PER3: variants seen among roughly 807,000 people sequenced by gnomAD.
PER3 encodes period circadian regulator 3, also known as period circadian protein homolog 3.
A neutral mutation model predicts 127.2 loss-of-function variants in PER3; 107 were observed. The observed-to-expected ratio is 0.84, with a 90% CI of 0.72 to 0.99. The LOEUF (loss-of-function observed/expected upper bound fraction) is 0.99, where lower values mean the gene tolerates loss of function less well. Among genes scored for constraint, PER3 ranks in the 50% least tolerant of loss-of-function variants. PER3 has a pLI of 0.00. For missense variants in PER3, 1,560 were observed against 1,525.8 expected, an observed-to-expected ratio of 1.02 and a Z score of -0.37; for synonymous variants, 618 against 585.8, an observed-to-expected ratio of 1.05 and a Z score of -0.79.
intron 16 of PER3, among the ~76,000 whole-genome samples, chr1:7,823,549 G>A (rs1384436142): frequency 1.3e-5 from 2 of 152,016 alleles, no homozygotes; most frequent in African/African-American, 4.8e-5. Context: ...GGCTGAGGCA[G>A]GAGAATCGCT....
chr1:7,836,044 C>G, intron 20 of PER3, 99 bp downstream of exon 20: 1 of 779,664 alleles, frequency 1.3e-6, no homozygotes, highest in Non-Finnish European at 2.1e-6. Context: ...GTCACCCAGG[C>G]TGGAGTGCAG....
At position 7,788,454 on chromosome 1, in the gene PER3, T is replaced by C. The variant is rs559115712; in HGVS notation, c.592+208T>C. 5.3e-6 allele frequency: 3 copies of C among 566,778 alleles called. No homozygotes were observed. The East Asian group carries it at 8.6e-5, about 16-fold the overall frequency. 35.1% of individuals were successfully genotyped at this position (566,778 alleles called of 1,614,324 possible). A position where few individuals can be genotyped will look rare whatever the true frequency, so the allele number is the denominator to read the frequency against. ...ACGTTTGTTTCCATTTTGTCACATC[T>C]GTTTCACAGATGATATGTCATAAAT... On this transcript the variant is annotated intron_variant, in intron 5 of 21. Transcript: ENST00000377532.
intron 10 of PER3, among the ~76,000 whole-genome samples, chr1:7,806,368 T>C (rs1281346436): frequency 6.6e-6 from 1 of 152,154 alleles, no homozygotes; most frequent in Non-Finnish European, 1.5e-5. Context: ...AGCCAAGTTT[T>C]CTCTCTTACT....
chr1:7,820,444 G>T, intron 15 of PER3, 23 bp from the exon 16 acceptor site: 1 of 1,585,826 alleles, frequency 6.3e-7, no homozygotes, highest in Admixed American at 1.8e-5. Flanking sequence ...TCTTTTCACT[G>T]TCAGTTTCTC....
rs1227391005 is a variant in PER3 at position 7,789,915 on chromosome 1, TC to T, written c.592+1671del. Among the ~76,000 whole-genome samples, 6 of 152,352 alleles carry T rather than the reference TC, an allele frequency of 3.9e-5. No individual in the cohort carries two copies. The East Asian group carries it at 1.2e-3, about 29-fold the overall frequency. ...TACTGATTTTATTTCTCATCCCCTT[TC>T]CTAAATACACATTTTCAACCTTTGT... On this transcript the variant is annotated intron_variant, in intron 5 of 21. Coordinates refer to ENST00000377532, the MANE Select transcript of PER3 (RefSeq NM_001377275.1).
At chr1:7,820,422 G>T in intron 15 of PER3, 45 bp from the exon 16 acceptor site, 1 of 1,553,694 alleles carries the variant, frequency 6.4e-7, no homozygotes, top group Non-Finnish European at 8.7e-7. Context: ...TAAATTTCTC[G>T]TTGGGAATTT....
At chr1:7,814,042 C>CA (rs1445513349) in intron 13 of PER3, among the ~76,000 whole-genome samples, 2 of 152,120 alleles carry the variant, frequency 1.3e-5, no homozygotes, top group Non-Finnish European at 2.9e-5. Context: ...ACATCAATGC[C>CA]AGAGATGAGG....
Position 7,827,698 on chromosome 1 carries a change from G to C in PER3, c.2769G>C (p.Pro923=). ...EKWEAQSEGH[P]FITSRSSSPL... ...GGGAGGCACAAAGCGAGGGGCACCCGTTCATTACTTCGAGAAGCAGCTCAC... is the reference window on the plus strand; with the variant it reads ...GGGAGGCACAAAGCGAGGGGCACCCCTTCATTACTTCGAGAAGCAGCTCAC... Residue 923 remains proline, a synonymous_variant, in exon 18 of 22, where the codon CCG becomes CCC. Transcript: ENST00000377532. 2 of 1,614,094 alleles carry C rather than the reference G, an allele frequency of 1.2e-6. No individual in the cohort carries two copies. The highest frequency in any genetic ancestry group is 1.7e-6 in the Non-Finnish European group (2 of 1,179,996).
At chr1:7,819,707 G>C (rs991237228) in intron 14 of PER3, among the ~76,000 whole-genome samples, 2 of 152,020 alleles carry the variant, frequency 1.3e-5, no homozygotes, top group African/African-American at 4.8e-5. Flanking sequence ...TGGCCCACAG[G>C]CTGCATGTGG....
At chr1:7,800,827 C>CAAA (rs35065134) in intron 7 of PER3, among the ~76,000 whole-genome samples, 7 of 100,710 alleles carry the variant, frequency 7.0e-5, no homozygotes, top group Admixed American at 2.9e-4. Flanking sequence ...ACTCTGTCTC[C>CAAA]AAAAAAAAAA....
chr1:7,827,069 C>G, intron 17 of PER3, 49 bp from the exon 18 acceptor site: 1 of 1,423,452 alleles, frequency 7.0e-7, no homozygotes, highest in Non-Finnish European at 9.4e-7. Flanking sequence ...TCCTTCTCTT[C>G]TTTTTGGGTT....
intron 10 of PER3, among the ~76,000 whole-genome samples, chr1:7,804,935 C>T (rs904817281): frequency 7.3e-5 from 11 of 150,524 alleles, no homozygotes; most frequent in African/African-American, 2.7e-4. Flanking sequence ...GTGGCCTGAT[C>T]GCGGCTCACT....
Position 7,826,839 on chromosome 1 carries a change from C to G in PER3, c.2188+129C>G. The G allele has an allele frequency of 1.5e-6, 1 of 655,802 alleles. No homozygotes were observed. Among genetic ancestry groups the G allele is most frequent in the South Asian group, 1.9e-5 (1 of 52,152 alleles). 40.6% of individuals were successfully genotyped at this position (655,802 alleles called of 1,614,324 possible). On this transcript the variant is annotated intron_variant, in intron 17 of 21. Coordinates refer to ENST00000377532, the MANE Select transcript of PER3 (RefSeq NM_001377275.1). This position sits in a 1 kb window ranked among gnomAD's most constrained non-coding sequence, Gnocchi z 4.2. ...AGAAACTGATGGAGAGATGCTGAAA[C>G]AATCTATTTACATCAACAGTTTATG... is the stretch of plus-strand genomic sequence containing the variant.
intron 4 of PER3, chr1:7,787,123 A>C: frequency 2.8e-6 from 1 of 356,790 alleles, no homozygotes. Context: ...AGAAAACAAA[A>C]ATTACACTGC....
chr1:7,830,453 A>G (rs745355256), intron 19 of PER3, among the ~76,000 whole-genome samples: 17 of 152,140 alleles, frequency 1.1e-4, no homozygotes, highest in Non-Finnish European at 1.9e-4. Flanking sequence ...TCACCAGTCC[A>G]TCTCTGCCCT....
At chr1:7,836,829 C>G in intron 20 of PER3, 170 bp from the exon 21 acceptor site, 1 of 489,258 alleles carries the variant, frequency 2.0e-6, no homozygotes, top group Non-Finnish European at 3.6e-6. Context: ...AAGAAAAAAG[C>G]CTTTACCAAC....
intron 13 of PER3, among the ~76,000 whole-genome samples, chr1:7,813,385 T>C (rs968997554): frequency 4.6e-5 from 7 of 152,218 alleles, no homozygotes; most frequent in Admixed American, 2.6e-4. Flanking sequence ...AAGACCTTTC[T>C]TGACTTCAGA....
intron 21 of PER3, among the ~76,000 whole-genome samples, chr1:7,839,510 G>A (rs1293885645): frequency 1.3e-5 from 2 of 152,164 alleles, no homozygotes; most frequent in Admixed American, 6.5e-5. Context: ...TCTTCACACA[G>A]CTTCAGGTTA....
At chr1:7,804,145 T>C (rs957648332) in intron 10 of PER3, among the ~76,000 whole-genome samples, 5 of 152,158 alleles carry the variant, frequency 3.3e-5, no homozygotes, top group African/African-American at 1.2e-4. Context: ...TGGAAAAATA[T>C]TTGATTTTTA....
Sources: allele counts gnomAD v4.1 joint callset (sites outside exome capture counted in the v4.1 genomes callset), GRCh38; gene constraint gnomAD v4.1.1; non-coding constraint Gnocchi (gnomAD v3.1); transcripts MANE v1.5; gene names NCBI Gene and HGNC (gene_info 2026-07-23, HGNC 2026-07-21).